Variants in USP32 observed in about 807,000 individuals in gnomAD.
USP32 encodes ubiquitin specific peptidase 32.
Under a neutral mutation model 204.8 loss-of-function variants are expected in USP32, and 59 were observed. The observed-to-expected ratio is 0.29, with a 90% CI of 0.23 to 0.36. USP32 has a LOEUF of 0.36. Ranked by LOEUF, USP32 falls within the 10% of genes least tolerant of loss-of-function variation. The pLI is 1.00. For missense variants in USP32, 1,160 were observed against 1,946.4 expected (o/e 0.60, Z 7.60); for synonymous variants, 517 against 678.4 (o/e 0.76, Z 3.70).
intron 1 of USP32, among the ~76,000 whole-genome samples, chr17:60,378,784 A>G (rs769272355): frequency 6.6e-6 from 1 of 152,120 alleles, no homozygotes; most frequent in African/African-American, 2.4e-5. Context: ...GGGGAAAAAA[A>G]GGGATAGAGA....
At chr17:60,403,857 T>C (rs746724929) in intron 1 of USP32, among the ~76,000 whole-genome samples, 51 of 151,976 alleles carry the variant, frequency 3.4e-4, no homozygotes, top group Non-Finnish European at 6.5e-4. Context: ...CTGGGTAACA[T>C]AGTGAGACTC....
At position 60,271,499 on chromosome 17, in the gene USP32, A is replaced by G. The variant is rs758241208; in HGVS notation, c.572-18T>C. On this transcript the variant is annotated intron_variant, in intron 5 of 33. Coordinates refer to ENST00000300896, the MANE Select transcript of USP32 (RefSeq NM_032582.4). The stretch of plus-strand genomic sequence containing the variant: ...TTCCTCCACTAAGGGTCAAATCAAA[A>G]AAGATTATAAAACCTCAGAATTCTC... 6 of 1,610,862 alleles carry G rather than the reference A, an allele frequency of 3.7e-6. No individual in the cohort carries two copies. The highest frequency in any genetic ancestry group is 1.7e-5 in the Admixed American group (1 of 59,666).
At chr17:60,269,673 G>T in intron 6 of USP32, 116 bp from the exon 7 acceptor site, 1 of 724,466 alleles carries the variant, frequency 1.4e-6, no homozygotes, top group Non-Finnish European at 2.1e-6. Context: ...TTTTTTTTAA[G>T]TTTATTAGTA....
At chr17:60,317,860 C>T (rs931662077) in intron 2 of USP32, among the ~76,000 whole-genome samples, 1 of 152,164 alleles carries the variant, frequency 6.6e-6, no homozygotes. Flanking sequence ...TGGCATGCGC[C>T]TATAGTCCCA....
rs1598313344 is a variant in USP32, at chr17:60,392,092, G to T, written c.-153C>A. 1.3e-6 allele frequency: 1 copy of T among 778,066 alleles called. No homozygotes were observed. The highest frequency in any genetic ancestry group is 1.9e-6 in the Non-Finnish European group (1 of 522,682). The allele number at this position is 778,066 out of a possible 1,614,324, so 48.2% of individuals were successfully genotyped here. A position where few individuals can be genotyped will look rare whatever the true frequency, so the allele number is the denominator to read the frequency against. ...TAACAAGTGCGGCTTCTGCCCCGGCGGCTCCTCCCGGTCGCCGCCACCGCC... is the reference window on the plus strand; with the variant it reads ...TAACAAGTGCGGCTTCTGCCCCGGCTGCTCCTCCCGGTCGCCGCCACCGCC... On this transcript the variant is annotated 5_prime_UTR_variant, in exon 1 of 34. Coordinates refer to ENST00000300896, the MANE Select transcript of USP32 (RefSeq NM_032582.4).
intron 5 of USP32, among the ~76,000 whole-genome samples, chr17:60,287,661 A>G (rs944337983): frequency 1.3e-5 from 2 of 152,232 alleles, no homozygotes; most frequent in Admixed American, 1.3e-4. Context: ...GCTAAAACTG[A>G]GTAAATGTCT....
At chr17:60,236,461 T>A (rs1357042946) in intron 11 of USP32, among the ~76,000 whole-genome samples, 3 of 152,096 alleles carry the variant, frequency 2.0e-5, no homozygotes, top group Non-Finnish European at 4.4e-5. Context: ...AGGAAAAGAT[T>A]CTGGGAAAAA....
upstream of USP32, chr17:60,392,333 G>A (rs1023390402): frequency 4.7e-5 from 14 of 299,960 alleles, no homozygotes; most frequent in Middle Eastern, 1.1e-3. Context: ...CCCTCCCCAA[G>A]CTAACCGCGC....
At chr17:60,304,313 G>A (rs1171439013) in intron 2 of USP32, among the ~76,000 whole-genome samples, 1 of 150,778 alleles carries the variant, frequency 6.6e-6, no homozygotes, top group Non-Finnish European at 1.5e-5. Context: ...TGTACCTGGT[G>A]AAAATATCTT....
intron 1 of USP32, among the ~76,000 whole-genome samples, chr17:60,364,304 T>C (rs1173067924): frequency 1.3e-5 from 2 of 152,280 alleles, no homozygotes; most frequent in South Asian, 4.2e-4. Context: ...TTTCAACATA[T>C]GAATTTGGTG....
At chr17:60,370,760 G>T (rs2146085581) in intron 1 of USP32, among the ~76,000 whole-genome samples, 2 of 123,254 alleles carry the variant, frequency 1.6e-5, no homozygotes, top group African/African-American at 7.5e-5. Flanking sequence ...AAATGCTACT[G>T]TCTCAAAAAA....
chr17:60,351,096 G>A (rs1230484654), intron 1 of USP32, among the ~76,000 whole-genome samples: 1 of 152,044 alleles, frequency 6.6e-6, no homozygotes, highest in African/African-American at 2.4e-5. Context: ...AAAAGGCTCA[G>A]AAATGGATGG....
Position 60,207,014 on chromosome 17 carries a change from A to G in USP32, c.3037+7T>C, listed in dbSNP as rs775865187. 3.7e-6 allele frequency: 6 copies of G among 1,611,266 alleles called. No individual in the cohort carries two copies. The African/African-American group carries it at 4.0e-5, about 11-fold the overall frequency. On this transcript the variant is annotated splice_region_variant and intron_variant, in intron 25 of 33. Coordinates refer to ENST00000300896, the MANE Select transcript of USP32 (RefSeq NM_032582.4). ...AATCATGAGAAGGAGTTCTAGTTCT[A>G]TCTTACCTGTCTGTGTTGGACTAGA... is the stretch of plus-strand genomic sequence containing the variant.
At chr17:60,413,751 G>C (rs2090036620) in intron 1 of USP32, among the ~76,000 whole-genome samples, 1 of 151,442 alleles carries the variant, frequency 6.6e-6, no homozygotes, top group South Asian at 2.1e-4. Flanking sequence ...TGTAATCCCA[G>C]CTACTTGGGA....
At chr17:60,352,068 G>C (rs1217126459) in intron 1 of USP32, among the ~76,000 whole-genome samples, 1 of 152,212 alleles carries the variant, frequency 6.6e-6, no homozygotes, top group Non-Finnish European at 1.5e-5. Flanking sequence ...AAGCAGAGTT[G>C]TCAGAAATGA....
At chr17:60,356,318 C>T (rs919343565) in intron 1 of USP32, among the ~76,000 whole-genome samples, 13 of 152,296 alleles carry the variant, frequency 8.5e-5, no homozygotes, top group African/African-American at 2.6e-4. Flanking sequence ...CTTTGAAAGG[C>T]TCTGACATAT....
At chr17:60,300,700 C>T (rs2145888202) in intron 3 of USP32, among the ~76,000 whole-genome samples, 1 of 152,248 alleles carries the variant, frequency 6.6e-6, no homozygotes, top group Non-Finnish European at 1.5e-5. Context: ...TAATTCACAT[C>T]CCATAAAATT....
chr17:60,235,330 C>T (rs1424330517), intron 12 of USP32, among the ~76,000 whole-genome samples: 1 of 152,186 alleles, frequency 6.6e-6, no homozygotes, highest in African/African-American at 2.4e-5. Flanking sequence ...TCCAGGAAGT[C>T]ATTTGCCTAC....
chr17:60,315,828 T>C (rs947227010), intron 2 of USP32: 1 of 152,954 alleles, frequency 6.5e-6, no homozygotes, highest in Non-Finnish European at 1.5e-5. Context: ...TAAGTCTCTA[T>C]AGCATGGCCT....
Sources: gnomAD v4.1 joint callset for allele counts (sites outside exome capture counted in the v4.1 genomes callset) on GRCh38, gnomAD v4.1.1 for gene constraint, MANE v1.5 for transcripts, NCBI Gene and HGNC (gene_info 2026-07-23, HGNC 2026-07-21) for gene names.